TEAD3: variants seen among roughly 807,000 people sequenced by gnomAD.
The protein encoded by TEAD3 is TEA domain transcription factor 3.
TEAD3 carries 15 observed loss-of-function variants against 55.6 expected under a neutral mutation model. That is an observed-to-expected ratio of 0.27 (90% confidence interval 0.18 to 0.42). The LOEUF (loss-of-function observed/expected upper bound fraction) is 0.42. Among genes scored for constraint, TEAD3 ranks in the 10% least tolerant of loss-of-function variants. The probability of loss-of-function intolerance (pLI) is 1.00; values close to 1 mark genes in which losing one functional copy is unlikely to be tolerated. For missense variants in TEAD3, 407 were observed against 576.8 expected (o/e 0.71, Z 3.01); for synonymous variants, 210 against 232.2 (o/e 0.90, Z 0.87).
At chr6:35,476,129 C>T in intron 9 of TEAD3, 37 bp from the exon 10 acceptor site, 1 of 1,541,872 alleles carries the variant, frequency 6.5e-7, no homozygotes, top group Non-Finnish European at 8.7e-7. Flanking sequence ...GGAGAGTACT[C>T]AGGCTTGCAG....
In TEAD3 at chr6:35,496,959, A is replaced by C; in HGVS notation, c.-111T>G. The stretch of plus-strand genomic sequence containing the variant: ...CTCCGCCGGGCCCGAGGGAGCCGCA[A>C]GGGGGGCCGGGGAAGGGGGGTCGTG... On this transcript the variant is annotated 5_prime_UTR_variant, in exon 1 of 13. Transcript: ENST00000639578. The surrounding 1 kb of genome is among the most constrained non-coding windows in gnomAD (Gnocchi z 4.8). 2.9e-5 allele frequency: 4 copies of C among 139,336 alleles called. No individual in the cohort carries two copies. Among genetic ancestry groups the C allele is most frequent in the Admixed American group, 7.0e-5 (1 of 14,386 alleles). The allele number at this position is 139,336 out of a possible 1,614,324, so 8.6% of individuals were successfully genotyped here. A position where few individuals can be genotyped will look rare whatever the true frequency, so the allele number is the denominator to read the frequency against.
At chr6:35,478,219 G>A in intron 7 of TEAD3, 56 bp downstream of exon 7, 1 of 1,603,626 alleles carries the variant, frequency 6.2e-7, no homozygotes, top group Non-Finnish European at 8.5e-7. Flanking sequence ...TGGGAGGGAA[G>A]CCCTGTGCGG....
Position 35,479,246 on chromosome 6 carries a change from C to T in TEAD3, c.342+59G>A, listed in dbSNP as rs371014827. 314 of 1,595,182 alleles carry T rather than the reference C, an allele frequency of 2.0e-4. 1 individual carries two copies. The African/African-American group carries it at 3.9e-3, about 20-fold the overall frequency. ...TTTCATAATCTGTCATTTGAAAATC[C>T]TGTATTAGGTGTTAAGACCCTTTCC... On this transcript the variant is annotated intron_variant, in intron 5 of 12. Coordinates refer to ENST00000639578, the Ensembl canonical transcript of TEAD3.
chr6:35,490,341 G>A (rs1469085780), intron 1 of TEAD3, among the ~76,000 whole-genome samples: 1 of 152,156 alleles, frequency 6.6e-6, no homozygotes, highest in Admixed American at 6.5e-5. Flanking sequence ...AGCTGGTGAG[G>A]GGGAGGGGAG....
At chr6:35,481,379 T>C (rs1768263936) in intron 3 of TEAD3, among the ~76,000 whole-genome samples, 1 of 152,154 alleles carries the variant, frequency 6.6e-6, no homozygotes, top group South Asian at 2.1e-4. Flanking sequence ...TGGCTTTCTT[T>C]GCGAGTTGTT....
chr6:35,485,196 A>G lies in TEAD3; in HGVS notation c.203-572T>C, dbSNP rs953003149. Among the ~76,000 whole-genome samples, 2 of 152,126 alleles carry G rather than the reference A, an allele frequency of 1.3e-5. No homozygotes were observed. Among genetic ancestry groups the G allele is most frequent in the Non-Finnish European group, 2.9e-5 (2 of 68,008 alleles). On this transcript the variant is annotated intron_variant, in intron 2 of 12. Coordinates refer to ENST00000639578, the Ensembl canonical transcript of TEAD3. The surrounding 1 kb of genome is among the most constrained non-coding windows in gnomAD (Gnocchi z 4.3). ...AGGAAGGCAGCACTGACCGCCTCCA[A>G]TGTGCCTCCTACACTGGCGGCCTGT...
intron 3 of TEAD3, 135 bp from the exon 4 acceptor site, chr6:35,480,509 T>A: frequency 1.1e-6 from 1 of 904,332 alleles, no homozygotes; most frequent in South Asian, 1.6e-5. Flanking sequence ...GGGACCTTTT[T>A]TCTTTTTGAA....
chr6:35,484,314 G>C lies in TEAD3; in HGVS notation c.267+246C>G, dbSNP rs372455793. On this transcript the variant is annotated intron_variant, in intron 3 of 12. Coordinates refer to ENST00000639578, the Ensembl canonical transcript of TEAD3. The surrounding 1 kb of genome is among the most constrained non-coding windows in gnomAD (Gnocchi z 5.8). ...TCCCTGAACCACAGGCCCTGGGCAG[G>C]GTAGTAGGTGGTCAGAGAGGACAGT... Among the ~76,000 whole-genome samples, 31 of 152,334 alleles carry C rather than the reference G, an allele frequency of 2.0e-4. 1 individual carries two copies. In the South Asian group the frequency reaches 6.0e-3, roughly 30 times the overall value.
At chr6:35,479,402 C>T in intron 4 of TEAD3, 86 bp from the exon 5 acceptor site, 1 of 1,541,818 alleles carries the variant, frequency 6.5e-7, no homozygotes, top group Non-Finnish European at 9.0e-7. Context: ...CCTACCTCCA[C>T]CCAGTGCCCA....
In TEAD3 at chr6:35,475,546, C is replaced by T. The variant is rs780261508; in HGVS notation, c.1041+20G>A. The T allele has an allele frequency of 6.2e-7, 1 of 1,604,234 alleles. No homozygotes were observed. Among genetic ancestry groups the T allele is most frequent in the Non-Finnish European group, 8.5e-7 (1 of 1,173,376 alleles). On this transcript the variant is annotated intron_variant, in intron 11 of 12. Coordinates refer to ENST00000639578, the Ensembl canonical transcript of TEAD3. The surrounding 1 kb of genome is among the most constrained non-coding windows in gnomAD (Gnocchi z 5.4). ...CTGCCTGCTCCCAGCCCCACCAAGC[C>T]ACCCAGAGCCCCCACTCACCTCCAC... is the stretch of plus-strand genomic sequence containing the variant.
chr6:35,489,982 G>A (rs1433448958), intron 1 of TEAD3, among the ~76,000 whole-genome samples: 1 of 152,186 alleles, frequency 6.6e-6, no homozygotes, highest in African/African-American at 2.4e-5. Flanking sequence ...TAGTTGGGAT[G>A]CAGGGCCTGT....
At position 35,475,696 on chromosome 6, in the gene TEAD3, T is replaced by G. The variant is rs1768129579; in HGVS notation, c.911A>C (p.Asn304Thr). ...TCCCGGGCCCTCCTGGATGGTGCTG[T>G]TGAGGTCGGCCTGGGCATGGGGGTG... The change falls in exon 11 of 13, where the codon AAC (asparagine) becomes ACC (threonine). Residue 304 changes from asparagine to threonine, a missense_variant. By Grantham distance (65) the Asn-to-Thr change is moderately conservative. Transcript: ENST00000639578. This position sits in a 1 kb window ranked among gnomAD's most constrained non-coding sequence, Gnocchi z 5.4. The G allele has an allele frequency of 6.3e-7, 1 of 1,598,642 alleles. No homozygotes were observed. The highest frequency in any genetic ancestry group is 8.5e-7 in the Non-Finnish European group (1 of 1,171,434).
rs751311912 is a variant in TEAD3, at chr6:35,475,131, C to T, written c.1221G>A (p.Glu407=). The stretch of plus-strand genomic sequence containing the variant: ...AGACAAAAGCAATGACAAGCAGGGT[C>T]TCCTGGGAGTCCCGGCTCGTGACCA... The change falls in exon 13 of 13, where the codon GAG becomes GAA. Residue 407 remains glutamate (E), a synonymous_variant. Transcript: ENST00000639578. This position sits in a 1 kb window ranked among gnomAD's most constrained non-coding sequence, Gnocchi z 5.4. The T allele has an allele frequency of 2.1e-5, 33 of 1,588,344 alleles. No homozygotes were observed. In the East Asian group the frequency reaches 7.1e-4, roughly 34 times the overall value.
At chr6:35,476,468 G>T (rs1768151277) in intron 8 of TEAD3, 33 bp from the exon 9 acceptor site, 1 of 1,609,390 alleles carries the variant, frequency 6.2e-7, no homozygotes, top group Non-Finnish European at 8.5e-7. Context: ...CATCTGCATG[G>T]ATGCATGCAG....
chr6:35,476,482 C>G (rs774593378), intron 8 of TEAD3, 47 bp from the exon 9 acceptor site: 1 of 1,600,996 alleles, frequency 6.2e-7, no homozygotes, highest in Non-Finnish European at 8.5e-7. Context: ...CATGCAGGTG[C>G]TTACTGACAA....
At position 35,475,759 on chromosome 6, in the gene TEAD3, C is replaced by T. The variant is rs1215747632; in HGVS notation, c.901-53G>A. 23 of 1,528,010 alleles carry T rather than the reference C, an allele frequency of 1.5e-5. No individual in the cohort carries two copies. The highest frequency in any genetic ancestry group is 1.9e-4 in the Middle Eastern group (1 of 5,354). 94.7% of individuals were successfully genotyped at this position (1,528,010 alleles called of 1,614,324 possible). A position where few individuals can be genotyped will look rare whatever the true frequency, so the allele number is the denominator to read the frequency against. Reference sequence around the variant, plus strand: ...TGCTGGCAGAGACCAGAAGTATTCCCGCCACACCACATCAGAGTCCTGCCC... The same window carrying T: ...TGCTGGCAGAGACCAGAAGTATTCCTGCCACACCACATCAGAGTCCTGCCC... On this transcript the variant is annotated intron_variant, in intron 10 of 12. Coordinates refer to ENST00000639578, the Ensembl canonical transcript of TEAD3. This position sits in a 1 kb window ranked among gnomAD's most constrained non-coding sequence, Gnocchi z 5.4.
intron 6 of TEAD3, 49 bp from the exon 7 acceptor site, chr6:35,478,373 C>T (rs372809907): frequency 1.9e-6 from 3 of 1,613,558 alleles, no homozygotes; most frequent in African/African-American, 2.7e-5. Flanking sequence ...CCATGAACCC[C>T]ACTAAAGCTC....
chr6:35,488,406 C>G lies in TEAD3; in HGVS notation c.-49-1695G>C, dbSNP rs1011677739. ...CAACCCCAAGACTCACCCCAAATCC[C>G]CTTCAGCCCCAGAACCCACATGTCC... is the stretch of plus-strand genomic sequence containing the variant. On this transcript the variant is annotated intron_variant, in intron 1 of 12. Transcript: ENST00000639578. This position sits in a 1 kb window ranked among gnomAD's most constrained non-coding sequence, Gnocchi z 4.2. 1.3e-5 allele frequency among the ~76,000 whole-genome samples: 2 copies of G among 152,146 alleles called. No homozygotes were observed. The highest frequency in any genetic ancestry group is 3.9e-4 in the East Asian group (2 of 5,174).
intron 3 of TEAD3, among the ~76,000 whole-genome samples, chr6:35,480,997 C>G (rs1561804960): frequency 6.6e-6 from 1 of 152,090 alleles, no homozygotes; most frequent in South Asian, 2.1e-4. Context: ...CGCCTGAGTC[C>G]TCCTGTCAAC....
Sources: allele counts gnomAD v4.1 joint callset (sites outside exome capture counted in the v4.1 genomes callset), GRCh38; gene constraint gnomAD v4.1.1; non-coding constraint Gnocchi (gnomAD v3.1); transcripts MANE v1.5; gene names NCBI Gene and HGNC (gene_info 2026-07-23, HGNC 2026-07-21).